Variants in ELF1 observed in about 807,000 individuals in gnomAD.
The protein encoded by ELF1 is E74 like ETS transcription factor 1.
In ELF1, 24 loss-of-function variants were observed where a neutral mutation model predicts 59.9. The observed-to-expected ratio is 0.40, with a 90% CI of 0.29 to 0.56. The LOEUF (loss-of-function observed/expected upper bound fraction) is 0.56. Ranked by LOEUF, ELF1 falls within the 20% of genes least tolerant of loss-of-function variation. The probability of loss-of-function intolerance (pLI) is 0.44; values close to 1 mark genes in which losing one functional copy is unlikely to be tolerated. For missense variants in ELF1, 627 were observed against 742.2 expected (o/e 0.84, Z 1.80); for synonymous variants, 248 against 266.2 (o/e 0.93, Z 0.67).
intron 1 of ELF1, among the ~76,000 whole-genome samples, chr13:40,984,436 T>C (rs976157093): frequency 1.3e-5 from 2 of 152,126 alleles, no homozygotes; most frequent in African/African-American, 4.8e-5. Flanking sequence ...TGTTGGTGTG[T>C]GTGCATTTGT....
intron 2 of ELF1, among the ~76,000 whole-genome samples, chr13:40,981,377 T>A (rs1436468848): frequency 6.6e-6 from 1 of 152,066 alleles, no homozygotes. Context: ...CTAAAATTAA[T>A]CTTAGATCCT....
rs779947230 is a variant in ELF1 at position 40,942,948 on chromosome 13, A to G, written c.806+4T>C. On this transcript the variant is annotated splice_donor_region_variant and intron_variant, in intron 7 of 8. Coordinates refer to ENST00000239882, the MANE Select transcript of ELF1 (RefSeq NM_172373.4). ...ACACAATAAAATACCAAAACTTCGC[A>G]TACCTGAGTGCTCTTCCCATGGTCT... 3 of 1,551,790 alleles carry G rather than the reference A, an allele frequency of 1.9e-6. No homozygotes were observed. The highest frequency in any genetic ancestry group is 1.2e-5 in the South Asian group (1 of 81,830).
At chr13:41,010,533 C>G (rs1376018092) in intron 1 of ELF1, among the ~76,000 whole-genome samples, 2 of 140,456 alleles carry the variant, frequency 1.4e-5, no homozygotes, top group Admixed American at 1.6e-4. Flanking sequence ...TGCCTTAGAT[C>G]ACATGTAGCA....
intron 1 of ELF1, among the ~76,000 whole-genome samples, chr13:41,060,489 G>C (rs188393372): frequency 6.6e-6 from 1 of 152,114 alleles, no homozygotes; most frequent in Admixed American, 6.5e-5. Flanking sequence ...AACTCCCTCA[G>C]GGCCCACCAG....
At chr13:40,964,787 G>A (rs1254798611) in intron 2 of ELF1, among the ~76,000 whole-genome samples, 9 of 152,008 alleles carry the variant, frequency 5.9e-5, no homozygotes, top group African/African-American at 1.2e-4. Flanking sequence ...CACCCAACTC[G>A]GCCTCCCATA....
intron 1 of ELF1, among the ~76,000 whole-genome samples, chr13:41,006,039 G>A (rs768918443): frequency 2.6e-5 from 4 of 152,144 alleles, no homozygotes; most frequent in Non-Finnish European, 5.9e-5. Flanking sequence ...CTTCACAGAA[G>A]TCCATCTTCA....
intron 1 of ELF1, among the ~76,000 whole-genome samples, chr13:40,991,304 T>C (rs1873840713): frequency 1.3e-5 from 2 of 152,238 alleles, no homozygotes; most frequent in African/African-American, 4.8e-5. Flanking sequence ...TGACCAATAC[T>C]GGTTTATTAA....
At chr13:41,035,727 G>GAAAAAAAAAAAAAAA (rs11366083) in intron 1 of ELF1, among the ~76,000 whole-genome samples, 1 of 100,064 alleles carries the variant, frequency 1.0e-5, no homozygotes, top group Non-Finnish European at 2.0e-5. Flanking sequence ...AGAACAAAAA[G>GAAAAAAAAAAAAAAA]AAAAAAAAAA....
At chr13:41,025,854 T>C (rs1461873577) in intron 1 of ELF1, among the ~76,000 whole-genome samples, 3 of 152,192 alleles carry the variant, frequency 2.0e-5, no homozygotes, top group African/African-American at 7.2e-5. Context: ...GCTCATTCTT[T>C]ACCCTCAACA....
At chr13:40,949,497 C>T (rs1462878381) in intron 5 of ELF1, among the ~76,000 whole-genome samples, 3 of 151,954 alleles carry the variant, frequency 2.0e-5, no homozygotes, top group Non-Finnish European at 2.9e-5. Context: ...TCTAGGACTA[C>T]AGGTGCCTAC....
In ELF1 at chr13:40,941,077, A is replaced by G. The variant is rs757590259; in HGVS notation, c.1100T>C (p.Val367Ala). 6.2e-7 allele frequency: 1 copy of G among 1,614,118 alleles called. No homozygotes were observed. The highest frequency in any genetic ancestry group is 1.1e-5 in the South Asian group (1 of 91,082). ...CTGCGTGGGCTGCACTGTCCTCAAA[A>G]CTTCTGATGGTTGTGCAACTTCCAC... Reference protein sequence around the residue: ...DPVEVAQPSEVLRTVQPTQSP... With the variant: ...DPVEVAQPSEALRTVQPTQSP... Residue 367 changes from valine to alanine, a missense_variant, in exon 8 of 9, where the codon GTT (valine) becomes GCT (alanine). By Grantham distance (64) the Val-to-Ala change is moderately conservative. This residue lies in a region of ELF1 where 361 missense variants were observed against 396.1 expected (regional missense o/e 0.91). Transcript: ENST00000239882.
chr13:41,045,549 C>G (rs939813736), intron 1 of ELF1, among the ~76,000 whole-genome samples: 1 of 152,070 alleles, frequency 6.6e-6, no homozygotes, highest in Non-Finnish European at 1.5e-5. Context: ...CGTTATGTAC[C>G]CAGCAGTCAT....
At position 40,942,491 on chromosome 13, in the gene ELF1, C is replaced by T. The variant is rs1014640923; in HGVS notation, c.806+461G>A. On this transcript the variant is annotated intron_variant, in intron 7 of 8. Coordinates refer to ENST00000239882, the MANE Select transcript of ELF1 (RefSeq NM_172373.4). ...TGATTTATTCTACTATAATAACTAA[C>T]ATATCATACTTGCAATTCATGTTTG... Among the ~76,000 whole-genome samples, 3 of 152,146 alleles carry T rather than the reference C, an allele frequency of 2.0e-5. No homozygotes were observed. The East Asian group carries it at 5.8e-4, about 29-fold the overall frequency.
At chr13:41,051,555 C>T (rs540551103) in intron 1 of ELF1, among the ~76,000 whole-genome samples, 33 of 152,246 alleles carry the variant, frequency 2.2e-4, no homozygotes, top group African/African-American at 7.9e-4. Context: ...AAAACACACA[C>T]ACACACACCT....
At chr13:40,987,902 T>C (rs1485153539) in intron 1 of ELF1, among the ~76,000 whole-genome samples, 1 of 152,040 alleles carries the variant, frequency 6.6e-6, no homozygotes, top group Non-Finnish European at 1.5e-5. Flanking sequence ...CAGATAGTCA[T>C]GGTAAGAAAT....
chr13:41,008,426 T>C (rs1199094628), intron 1 of ELF1, among the ~76,000 whole-genome samples: 1 of 152,216 alleles, frequency 6.6e-6, no homozygotes, highest in Non-Finnish European at 1.5e-5. Flanking sequence ...TTTGGAAAAC[T>C]TGTATGTATC....
intron 1 of ELF1, among the ~76,000 whole-genome samples, chr13:41,016,298 T>C (rs1703380365): frequency 6.6e-6 from 1 of 152,186 alleles, no homozygotes. Flanking sequence ...TTTAGGAGAT[T>C]CAGCAGTTAT....
intron 2 of ELF1, among the ~76,000 whole-genome samples, chr13:40,959,450 C>T (rs374712958): frequency 2.0e-5 from 3 of 151,988 alleles, no homozygotes; most frequent in East Asian, 1.9e-4. Context: ...GAGCCGAGAT[C>T]GCACCACTGC....
chr13:41,047,896 C>G (rs1400497726), intron 1 of ELF1, among the ~76,000 whole-genome samples: 2 of 152,232 alleles, frequency 1.3e-5, no homozygotes, highest in Non-Finnish European at 2.9e-5. Context: ...CAGAGGCAGG[C>G]AGGCCTCCTT....
Sources: allele counts gnomAD v4.1 joint callset (sites outside exome capture counted in the v4.1 genomes callset), GRCh38; gene constraint gnomAD v4.1.1; regional missense constraint gnomAD v4.1.1; transcripts MANE v1.5; gene names NCBI Gene and HGNC (gene_info 2026-07-23, HGNC 2026-07-21).